Variants in RALGAPA2 observed in about 807,000 individuals in gnomAD.
RALGAPA2 encodes Ral GTPase activating protein catalytic subunit alpha 2, also known as ral GTPase-activating protein subunit alpha-2.
In RALGAPA2, 139 loss-of-function variants were observed where a neutral mutation model predicts 230.4. The observed-to-expected ratio is 0.60, with a 90% CI of 0.53 to 0.69. The LOEUF (loss-of-function observed/expected upper bound fraction) is 0.69. Among genes scored for constraint, RALGAPA2 ranks in the 30% least tolerant of loss-of-function variants. The pLI, the probability that RALGAPA2 is intolerant of heterozygous loss-of-function variation, is 0.00. For missense variants in RALGAPA2, 2,163 were observed against 2,276.0 expected, an observed-to-expected ratio of 0.95 and a Z score of 1.01; for synonymous variants, 847 against 837.8, an observed-to-expected ratio of 1.01 and a Z score of -0.19.
intron 37 of RALGAPA2, among the ~76,000 whole-genome samples, chr20:20,445,428 C>T (rs1294202554): frequency 1.3e-5 from 2 of 152,250 alleles, no homozygotes; most frequent in Non-Finnish European, 2.9e-5. Context: ...ATGACATTTA[C>T]TCTGTTCTTG....
intron 37 of RALGAPA2, among the ~76,000 whole-genome samples, chr20:20,438,674 G>C (rs2060667433): frequency 6.6e-6 from 1 of 152,214 alleles, no homozygotes; most frequent in East Asian, 1.9e-4. Context: ...TCTAGCTCCA[G>C]ATCCAAAGAC....
chr20:20,439,930 T>C (rs1049330840), intron 37 of RALGAPA2, among the ~76,000 whole-genome samples: 5 of 152,244 alleles, frequency 3.3e-5, no homozygotes, highest in African/African-American at 1.2e-4. Context: ...GAAAGCGATT[T>C]TGTTCTTGCT....
At chr20:20,552,337 G>A (rs990572159) in intron 23 of RALGAPA2, among the ~76,000 whole-genome samples, 3 of 152,074 alleles carry the variant, frequency 2.0e-5, no homozygotes, top group East Asian at 3.9e-4. Flanking sequence ...GTCCCTCCAC[G>A]AGGCCAGACA....
rs535537577 is a variant in RALGAPA2 at position 20,628,978 on chromosome 20, G to A, written c.1233+385C>T. The stretch of plus-strand genomic sequence containing the variant: ...AACCTCCAGCTCCTCAGAGAGCTCC[G>A]TGAGGCTCTGGGAAGAAGACTGGAC... On this transcript the variant is annotated intron_variant, in intron 10 of 39. Transcript: ENST00000202677. 2.9e-4 allele frequency among the ~76,000 whole-genome samples: 44 copies of A among 152,244 alleles called. No individual in the cohort carries two copies. In the South Asian group the frequency reaches 8.1e-3, roughly 28 times the overall value.
At chr20:20,423,571 C>T (rs549467720) in intron 37 of RALGAPA2, among the ~76,000 whole-genome samples, 34 of 152,136 alleles carry the variant, frequency 2.2e-4, no homozygotes, top group African/African-American at 7.7e-4. Flanking sequence ...GGGCTCAGGT[C>T]GCATTTAATA....
intron 3 of RALGAPA2, chr20:20,660,076 C>A (rs1474061864): frequency 5.7e-6 from 1 of 175,612 alleles, no homozygotes; most frequent in East Asian, 1.6e-4. Flanking sequence ...GAAACCCAGT[C>A]TCTACTAAAA....
chr20:20,648,541 T>C (rs572209946), intron 4 of RALGAPA2, among the ~76,000 whole-genome samples: 1 of 152,284 alleles, frequency 6.6e-6, no homozygotes, highest in South Asian at 2.1e-4. Context: ...TAAATATTTT[T>C]TTTTTAATAT....
chr20:20,591,587 T>C (rs977313820), intron 16 of RALGAPA2, among the ~76,000 whole-genome samples: 1 of 152,154 alleles, frequency 6.6e-6, no homozygotes, highest in Non-Finnish European at 1.5e-5. Context: ...TTAAGAACTG[T>C]AAAAGTCATT....
At chr20:20,589,490 G>T in intron 17 of RALGAPA2, 125 bp from the exon 18 acceptor site, 1 of 1,064,964 alleles carries the variant, frequency 9.4e-7, no homozygotes, top group Non-Finnish European at 1.3e-6. Flanking sequence ...AAAAACAGGA[G>T]TTATGGGCCT....
chr20:20,590,537 T>C (rs532153413), intron 17 of RALGAPA2, among the ~76,000 whole-genome samples: 12 of 152,194 alleles, frequency 7.9e-5, no homozygotes, highest in Non-Finnish European at 7.4e-5. Context: ...AATAACTATT[T>C]CCAATGATAC....
At chr20:20,682,794 G>A (rs753630502) in intron 1 of RALGAPA2, among the ~76,000 whole-genome samples, 6 of 152,142 alleles carry the variant, frequency 3.9e-5, no homozygotes, top group Non-Finnish European at 8.8e-5. Context: ...CACATACAAT[G>A]ATAAAATAAT....
At chr20:20,455,149 G>C (rs978825287) in intron 37 of RALGAPA2, among the ~76,000 whole-genome samples, 1 of 152,214 alleles carries the variant, frequency 6.6e-6, no homozygotes, top group Non-Finnish European at 1.5e-5. Context: ...TCTAAGCCCC[G>C]GAGCTGCTGC....
Position 20,393,196 on chromosome 20 carries a change from G to C in RALGAPA2, c.*93C>G. 7.4e-7 allele frequency: 1 copy of C among 1,349,346 alleles called. No homozygotes were observed. The highest frequency in any genetic ancestry group is 9.9e-7 in the Non-Finnish European group (1 of 1,013,538). The allele number at this position is 1,349,346 out of a possible 1,614,324, so 83.6% of individuals were successfully genotyped here. A position where few individuals can be genotyped will look rare whatever the true frequency, so the allele number is the denominator to read the frequency against. Reference sequence around the variant, plus strand: ...GGGCAGAGGCAGGAGAGGGTGTTCTGTCTCCTCCTCACTCAGGGGCTCTTC... The same window carrying C: ...GGGCAGAGGCAGGAGAGGGTGTTCTCTCTCCTCCTCACTCAGGGGCTCTTC... On this transcript the variant is annotated 3_prime_UTR_variant, in exon 40 of 40. Coordinates refer to ENST00000202677, the MANE Select transcript of RALGAPA2 (RefSeq NM_020343.4).
At chr20:20,703,972 AG>A (rs1180270232) in intron 1 of RALGAPA2, among the ~76,000 whole-genome samples, 1 of 152,188 alleles carries the variant, frequency 6.6e-6, no homozygotes, top group East Asian at 1.9e-4. Context: ...TCACTCCCTA[AG>A]GAAAAAAAAC....
intron 37 of RALGAPA2, 86 bp from the exon 38 acceptor site, chr20:20,412,234 ATTTTTTC>A: frequency 6.5e-7 from 1 of 1,539,532 alleles, no homozygotes; most frequent in Non-Finnish European, 8.9e-7. Flanking sequence ...CCGTTGTGCA[ATTTTTTC>A]TGTGTAAAAA....
chr20:20,671,547 C>A lies in RALGAPA2; in HGVS notation c.270+4689G>T, dbSNP rs538045494. ...TACTTAGTACCCAGAATGAAACATA[C>A]AAATTACAACCTACCTTCTAAAGCC... On this transcript the variant is annotated intron_variant, in intron 3 of 39. Coordinates refer to ENST00000202677, the MANE Select transcript of RALGAPA2 (RefSeq NM_020343.4). Among the ~76,000 whole-genome samples the A allele has an allele frequency of 3.3e-5, 5 of 152,292 alleles. No individual in the cohort carries two copies. In the South Asian group the frequency reaches 6.2e-4, roughly 19 times the overall value.
chr20:20,390,587 T>G lies in RALGAPA2; in HGVS notation c.*2702A>C, dbSNP rs2059587407. 6.6e-6 allele frequency: 1 copy of G among 152,116 alleles called. No homozygotes were observed. The highest frequency in any genetic ancestry group is 2.4e-5 in the African/African-American group (1 of 41,402). 9.4% of individuals were successfully genotyped at this position (152,116 alleles called of 1,614,324 possible). A position where few individuals can be genotyped will look rare whatever the true frequency, so the allele number is the denominator to read the frequency against. ...GGCTGACCTACTGGTACCACCGTGA[T>G]GAGTCAGCGCTGTGCCTCAGGTGGG... On this transcript the variant is annotated 3_prime_UTR_variant, in exon 40 of 40. Transcript: ENST00000202677.
chr20:20,682,295 C>T (rs1000188488), intron 1 of RALGAPA2, among the ~76,000 whole-genome samples: 5 of 152,202 alleles, frequency 3.3e-5, no homozygotes, highest in African/African-American at 1.2e-4. Context: ...ACTAGTATCA[C>T]CAACCCACAT....
chr20:20,661,240 C>A (rs2067766191), intron 3 of RALGAPA2, among the ~76,000 whole-genome samples: 1 of 152,102 alleles, frequency 6.6e-6, no homozygotes, highest in African/African-American at 2.4e-5. Context: ...CTCACTGCAA[C>A]CTCCACCACC....
Sources: allele counts gnomAD v4.1 joint callset (sites outside exome capture counted in the v4.1 genomes callset), GRCh38; gene constraint gnomAD v4.1.1; transcripts MANE v1.5; gene names NCBI Gene and HGNC (gene_info 2026-07-23, HGNC 2026-07-21).